The following SNRPD3 variants were observed in gnomAD, a reference collection of about 807,000 sequenced individuals.
The protein encoded by SNRPD3 is small nuclear ribonucleoprotein D3 polypeptide.
For synonymous variants in SNRPD3, 66 were observed against 58.4 expected, an observed-to-expected ratio of 1.13 and a Z score of -0.59; for missense variants, 73 against 167.5, an observed-to-expected ratio of 0.44 and a Z score of 3.11.
rs376044332 is a variant in SNRPD3, at chr22:24,573,900, G to A, written c.*1923G>A. ...TCTCTTAAATAAAAAACAAATGAAA[G>A]CAGTGGTTTTCAACATCAACTAAGG... On this transcript the variant is annotated 3_prime_UTR_variant, in exon 4 of 4. Transcript: ENST00000215829. 1.2e-4 allele frequency among the ~76,000 whole-genome samples: 19 copies of A among 152,242 alleles called. No homozygotes were observed. In the East Asian group the frequency reaches 2.1e-3, roughly 17 times the overall value.
chr22:24,557,879 C>G lies in SNRPD3; in HGVS notation c.126+79C>G, dbSNP rs761686625. 2.1e-6 allele frequency: 3 copies of G among 1,418,348 alleles called. No homozygotes were observed. The African/African-American group carries it at 4.4e-5, about 21-fold the overall frequency. The allele number at this position is 1,418,348 out of a possible 1,614,324, so 87.9% of individuals were successfully genotyped here. Reference sequence around the variant, plus strand: ...GGACAGAAAAGTGTGTGTTGAGGGTCTCTGGAAATTGTTCTCATTCAGCAG... The same window carrying G: ...GGACAGAAAAGTGTGTGTTGAGGGTGTCTGGAAATTGTTCTCATTCAGCAG... On this transcript the variant is annotated intron_variant, in intron 2 of 3. Coordinates refer to ENST00000215829, the MANE Select transcript of SNRPD3 (RefSeq NM_004175.5).
chr22:24,571,897 A>AT lies in SNRPD3; in HGVS notation c.320-15dup. 1 of 1,613,864 alleles carries AT rather than the reference A, an allele frequency of 6.2e-7. No individual in the cohort carries two copies. Among genetic ancestry groups the AT allele is most frequent in the South Asian group, 1.1e-5 (1 of 91,066 alleles). ...ACCGACCACACTGACCTGGCCTCAT[A>AT]TTTTCTCTTCCCTTTCAGTGGCCGC... On this transcript the variant is annotated intron_variant, in intron 3 of 3. Coordinates refer to ENST00000215829, the MANE Select transcript of SNRPD3 (RefSeq NM_004175.5).
chr22:24,568,238 G>A (rs1026999185), intron 3 of SNRPD3, 62 bp downstream of exon 3: 5 of 1,317,054 alleles, frequency 3.8e-6, no homozygotes, highest in Non-Finnish European at 5.3e-6. Context: ...GTAGAAAGGG[G>A]CCCTATTACT....
chr22:24,567,759 G>T (rs973657384), intron 2 of SNRPD3, among the ~76,000 whole-genome samples: 7 of 65,900 alleles, frequency 1.1e-4, no homozygotes, highest in Admixed American at 1.7e-4. Context: ...AAAAAAAAGG[G>T]GGGGAGCACT....
intron 2 of SNRPD3, among the ~76,000 whole-genome samples, chr22:24,562,382 A>G (rs2045152046): frequency 1.3e-5 from 2 of 152,156 alleles, no homozygotes; most frequent in African/African-American, 4.8e-5. Flanking sequence ...TCTACTAAAA[A>G]AAATACAAAA....
At chr22:24,564,884 A>AT (rs1208151174) in intron 2 of SNRPD3, among the ~76,000 whole-genome samples, 2,715 of 143,712 alleles carry the variant, frequency 0.019, 92 homozygotes, top group South Asian at 0.091. Context: ...TGCCTTGTTC[A>AT]TTTTTTTTTT....
At chr22:24,566,395 C>G (rs1247115136) in intron 2 of SNRPD3, among the ~76,000 whole-genome samples, 1 of 152,164 alleles carries the variant, frequency 6.6e-6, no homozygotes, top group Non-Finnish European at 1.5e-5. Context: ...CCTCAGCTTC[C>G]CGAGTAGCTG....
intron 2 of SNRPD3, among the ~76,000 whole-genome samples, chr22:24,567,363 G>A (rs1228827093): frequency 6.6e-6 from 1 of 152,224 alleles, no homozygotes; most frequent in Non-Finnish European, 1.5e-5. Context: ...CCAGGGCTCT[G>A]AAGCTAGGCC....
At chr22:24,560,451 T>TGAGA (rs2045124167) in intron 2 of SNRPD3, among the ~76,000 whole-genome samples, 1 of 68,394 alleles carries the variant, frequency 1.5e-5, no homozygotes, top group Non-Finnish European at 2.8e-5. Flanking sequence ...TTTTTTTTTT[T>TGAGA]TTTTTTTTTT....
intron 2 of SNRPD3, among the ~76,000 whole-genome samples, chr22:24,566,560 C>T (rs1403271797): frequency 1.3e-5 from 2 of 152,120 alleles, no homozygotes; most frequent in Admixed American, 6.5e-5. Flanking sequence ...CCACACCTGG[C>T]CCATAGTTGT....
intron 2 of SNRPD3, among the ~76,000 whole-genome samples, chr22:24,561,531 C>G (rs1354394647): frequency 2.0e-5 from 3 of 152,198 alleles, no homozygotes; most frequent in African/African-American, 7.2e-5. Context: ...TAAGAGCCAG[C>G]AGACTGTGGC....
chr22:24,572,151 C>A lies in SNRPD3; in HGVS notation c.*174C>A. 1 of 1,319,830 alleles carries A rather than the reference C, an allele frequency of 7.6e-7. No homozygotes were observed. The highest frequency in any genetic ancestry group is 1.1e-6 in the Non-Finnish European group (1 of 948,408). 81.8% of individuals were successfully genotyped at this position (1,319,830 alleles called of 1,614,324 possible). A position where few individuals can be genotyped will look rare whatever the true frequency, so the allele number is the denominator to read the frequency against. ...TTTTTGTTCTGTTTTGTTTTGTTTTCTTTGAGAAAATAAGGACTTTGTGTT... is the reference window on the plus strand; with the variant it reads ...TTTTTGTTCTGTTTTGTTTTGTTTTATTTGAGAAAATAAGGACTTTGTGTT... On this transcript the variant is annotated 3_prime_UTR_variant, in exon 4 of 4. Transcript: ENST00000215829.
At chr22:24,560,456 T>C (rs1329372887) in intron 2 of SNRPD3, among the ~76,000 whole-genome samples, 2 of 24,816 alleles carry the variant, frequency 8.1e-5, no homozygotes, top group Admixed American at 9.9e-4. Context: ...TTTTTTTTTT[T>C]TTTTTTTTTT....
rs984510482 is a variant in SNRPD3 at position 24,572,381 on chromosome 22, G to A, written c.*404G>A. 3.9e-6 allele frequency: 2 copies of A among 510,946 alleles called. No homozygotes were observed. The highest frequency in any genetic ancestry group is 7.0e-6 in the Non-Finnish European group (2 of 285,920). 31.7% of individuals were successfully genotyped at this position (510,946 alleles called of 1,614,324 possible). On this transcript the variant is annotated 3_prime_UTR_variant, in exon 4 of 4. Transcript: ENST00000215829. ...ATTCATCTTCAGACACAGGCACATA[G>A]TGTGGCACTTTGTTCAGTTAACATT...
chr22:24,557,354 A>G (rs536833429), intron 1 of SNRPD3, among the ~76,000 whole-genome samples: 2 of 152,300 alleles, frequency 1.3e-5, no homozygotes, highest in Admixed American at 1.3e-4. Flanking sequence ...ATGGTCCTTT[A>G]GCTGAAGATT....
At chr22:24,555,817 C>A (rs761426090), upstream of SNRPD3, 48 of 1,546,856 alleles carry the variant, frequency 3.1e-5, no homozygotes, top group South Asian at 5.7e-4. Context: ...GGCCCCCGGG[C>A]CCAGTCATCA....
chr22:24,556,411 A>G (rs2147114272), intron 1 of SNRPD3, among the ~76,000 whole-genome samples: 1 of 144,508 alleles, frequency 6.9e-6, no homozygotes. Context: ...GGGTTTCACC[A>G]TGTTGCCCTG....
At chr22:24,562,728 T>C (rs983066271) in intron 2 of SNRPD3, among the ~76,000 whole-genome samples, 3 of 152,140 alleles carry the variant, frequency 2.0e-5, no homozygotes, top group Non-Finnish European at 4.4e-5. Context: ...ATTAAAAAAA[T>C]TCTATGGCAG....
chr22:24,561,023 G>GC (rs2045136036), intron 2 of SNRPD3, among the ~76,000 whole-genome samples: 1 of 145,294 alleles, frequency 6.9e-6, no homozygotes, highest in Non-Finnish European at 1.5e-5. Context: ...ACAGGCATGA[G>GC]CCACTGCACC....
Sources: allele counts gnomAD v4.1 joint callset (sites outside exome capture counted in the v4.1 genomes callset), GRCh38; gene constraint gnomAD v4.1.1; transcripts MANE v1.5; gene names NCBI Gene and HGNC (gene_info 2026-07-23, HGNC 2026-07-21).